STOM: variants seen among roughly 807,000 people sequenced by gnomAD.
STOM encodes erythrocyte band 7 integral membrane protein.
STOM carries 25 observed loss-of-function variants against 30.6 expected under a neutral mutation model. The ratio of observed to expected loss-of-function variants is 0.82; its 90% CI spans 0.60 to 1.14. The LOEUF (loss-of-function observed/expected upper bound fraction) is 1.14. Ranked by LOEUF, STOM falls within the 50% of genes most tolerant of loss-of-function variation. The probability of loss-of-function intolerance (pLI) is 0.00; values close to 1 mark genes in which losing one functional copy is unlikely to be tolerated. For missense variants in STOM, 292 were observed against 365.2 expected (o/e 0.80, Z 1.63); for synonymous variants, 118 against 130.8 (o/e 0.90, Z 0.67).
intron 6 of STOM, 107 bp from the exon 7 acceptor site, chr9:121,341,515 A>G: frequency 1.1e-5 from 16 of 1,419,456 alleles, no homozygotes; most frequent in Non-Finnish European, 1.5e-5. Flanking sequence ...AAAACTTTCT[A>G]GGGCGTATGC....
intron 1 of STOM, among the ~76,000 whole-genome samples, chr9:121,362,413 C>T (rs1374661631): frequency 6.6e-6 from 1 of 152,108 alleles, no homozygotes; most frequent in Non-Finnish European, 1.5e-5. Flanking sequence ...CATATCAGCA[C>T]ATATTCTTTA....
Position 121,370,118 on chromosome 9 carries a change from G to C in STOM, c.61+9C>G, listed in dbSNP as rs2064550694. 1.9e-6 allele frequency: 3 copies of C among 1,539,282 alleles called. No individual in the cohort carries two copies. Among genetic ancestry groups the C allele is most frequent in the Non-Finnish European group, 2.6e-6 (3 of 1,143,496 alleles). On this transcript the variant is annotated intron_variant, in intron 1 of 6. Coordinates refer to ENST00000286713, the MANE Select transcript of STOM (RefSeq NM_004099.6). ...TCCACGGGGGAGGGTCAGGGGACGC[G>C]GGACTCACCCTTGAAGGAGTCGGGG... is the stretch of plus-strand genomic sequence containing the variant.
rs1179372348 is a variant in STOM at position 121,344,303 on chromosome 9, A to G, written c.661-2895T>C. Reference sequence around the variant, plus strand: ...ATCAGAAATCCCCTGCTATGAGAGCAGCAGGCTCTCATTTTTTCCATATCA... The same window carrying G: ...ATCAGAAATCCCCTGCTATGAGAGCGGCAGGCTCTCATTTTTTCCATATCA... On this transcript the variant is annotated intron_variant, in intron 6 of 6. Transcript: ENST00000286713. Among the ~76,000 whole-genome samples the G allele has an allele frequency of 2.6e-5, 4 of 152,342 alleles. No homozygotes were observed. The East Asian group carries it at 5.8e-4, about 22-fold the overall frequency.
chr9:121,349,380 G>A (rs970261713), intron 4 of STOM, 57 bp from the exon 5 acceptor site: 55 of 1,441,006 alleles, frequency 3.8e-5, no homozygotes, highest in Middle Eastern at 1.7e-4. Flanking sequence ...TAACATAACT[G>A]TAAGGAATGT....
Position 121,357,424 on chromosome 9 carries a change from G to GATATATAT in STOM, c.62-1276_62-1269dup, listed in dbSNP as rs1156937416. On this transcript the variant is annotated intron_variant, in intron 1 of 6. Coordinates refer to ENST00000286713, the MANE Select transcript of STOM (RefSeq NM_004099.6). ...TAGTGTACACACCATATTTTTAAATGATATATATATATATATTTATTTATT... is the reference window on the plus strand; with the variant it reads ...TAGTGTACACACCATATTTTTAAATGATATATATATATATATATATATATTTATTTATT... Among the ~76,000 whole-genome samples, 84 of 95,424 alleles carry GATATATAT rather than the reference G, an allele frequency of 8.8e-4. 10 individuals carry two copies. The East Asian group carries it at 0.028, about 32-fold the overall frequency. The allele number at this position is 95,424 out of a possible 152,430, so 62.6% of individuals were successfully genotyped here.
rs2064317508 is a variant in STOM, at chr9:121,349,265, T to C, written c.380A>G (p.Gln127Arg). 6.2e-7 allele frequency: 1 copy of C among 1,614,202 alleles called. No homozygotes were observed. The highest frequency in any genetic ancestry group is 2.2e-5 in the East Asian group (1 of 44,884). Residue 127 changes from glutamine (Q) to arginine (R), a missense_variant, in exon 5 of 7, where the codon CAG (glutamine) becomes CGG (arginine). Transcript: ENST00000286713. ...SVDGVVYYRVQNATLAVANIT... is the reference protein window; with the variant it reads ...SVDGVVYYRVRNATLAVANIT... ...ATTTGCCACAGCCAGGGTTGCATTC[T>C]GAACGCGGTAATAGACCACACCATC...
intron 1 of STOM, among the ~76,000 whole-genome samples, chr9:121,358,421 C>T (rs1325224655): frequency 6.6e-6 from 1 of 151,432 alleles, no homozygotes; most frequent in Non-Finnish European, 1.5e-5. Flanking sequence ...CTGTGATGTA[C>T]CCCAGCCTGG....
In STOM at chr9:121,370,148, G is replaced by A; in HGVS notation, c.40C>T (p.Arg14Trp). Residue 14 changes from arginine to tryptophan, a missense_variant, in exon 1 of 7, where the codon CGG (arginine) becomes TGG (tryptophan). Physicochemically the swap from Arg to Trp is moderately radical, Grantham distance 101 (BLOSUM62 -3). Transcript: ENST00000286713. The stretch of plus-strand genomic sequence containing the variant: ...TCACCCTTGAAGGAGTCGGGGAGCC[G>A]CTGGGCTTCGGAGTCCCGTGTGTGC... ...KRHTRDSEAQ[R>W]LPDSFKDSPS... 6.5e-7 allele frequency: 1 copy of A among 1,546,732 alleles called. No homozygotes were observed.
At chr9:121,347,138 G>A (rs1203974813) in intron 6 of STOM, among the ~76,000 whole-genome samples, 1 of 152,154 alleles carries the variant, frequency 6.6e-6, no homozygotes, top group Non-Finnish European at 1.5e-5. Context: ...GTGTTCACCT[G>A]GCAGACATCT....
Position 121,354,676 on chromosome 9 carries a change from A to G in STOM, c.166-3T>C. The G allele has an allele frequency of 1.9e-6, 3 of 1,595,108 alleles. No individual in the cohort carries two copies. The highest frequency in any genetic ancestry group is 1.1e-5 in the South Asian group (1 of 88,216). On this transcript the variant is annotated splice_region_variant and splice_polypyrimidine_tract_variant and intron_variant, in intron 2 of 6. Coordinates refer to ENST00000286713, the MANE Select transcript of STOM (RefSeq NM_004099.6). The stretch of plus-strand genomic sequence containing the variant: ...GCTCTTTCATACTCTTTTATAATCT[A>G]GAATAAAAACATGAATAATAATTTA...
chr9:121,367,238 T>G (rs2064513808), intron 1 of STOM, among the ~76,000 whole-genome samples: 1 of 152,218 alleles, frequency 6.6e-6, no homozygotes, highest in Non-Finnish European at 1.5e-5. Flanking sequence ...TTCAGGAAAT[T>G]GCTTTTCCAT....
intron 1 of STOM, 193 bp downstream of exon 1, chr9:121,369,934 C>T (rs979820844): frequency 1.9e-6 from 1 of 525,786 alleles, no homozygotes. Context: ...CAGCCCGCCA[C>T]CCCTCCATCG....
chr9:121,363,495 C>A, intron 1 of STOM, among the ~76,000 whole-genome samples: 1 of 152,168 alleles, frequency 6.6e-6, no homozygotes, highest in Admixed American at 6.5e-5. Context: ...GCTTTGCAGT[C>A]TGTTGCAACT....
rs768070247 is a variant in STOM, at chr9:121,341,201, A to T, written c.*1T>A. Reference sequence around the variant, plus strand: ...TTGGAAGGCTAGCGCTCATCTCTACACTAGCCTAGATGGCTGTGTTTTGCC... The same window carrying T: ...TTGGAAGGCTAGCGCTCATCTCTACTCTAGCCTAGATGGCTGTGTTTTGCC... On this transcript the variant is annotated 3_prime_UTR_variant, in exon 7 of 7. Coordinates refer to ENST00000286713, the MANE Select transcript of STOM (RefSeq NM_004099.6). The T allele has an allele frequency of 6.2e-7, 1 of 1,614,124 alleles. No homozygotes were observed. The highest frequency in any genetic ancestry group is 8.5e-7 in the Non-Finnish European group (1 of 1,180,028).
intron 4 of STOM, among the ~76,000 whole-genome samples, chr9:121,351,416 C>T (rs1236971456): frequency 2.0e-5 from 3 of 152,246 alleles, no homozygotes; most frequent in African/African-American, 7.2e-5. Flanking sequence ...TCAGTACCAA[C>T]AAGGAAGTTC....
chr9:121,363,834 A>G (rs2064477984), intron 1 of STOM, among the ~76,000 whole-genome samples: 2 of 152,224 alleles, frequency 1.3e-5, no homozygotes, highest in East Asian at 3.8e-4. Flanking sequence ...TATTCAAATA[A>G]GGGTACATTT....
At chr9:121,361,884 C>A (rs2064456661) in intron 1 of STOM, among the ~76,000 whole-genome samples, 1 of 152,170 alleles carries the variant, frequency 6.6e-6, no homozygotes. Flanking sequence ...TGTTCCACCA[C>A]AGATCATCAG....
chr9:121,339,588 A>G lies in STOM; in HGVS notation c.*1614T>C, dbSNP rs1265288521. ...GCTATAAAGGCTCGTGCTGGGAAAG[A>G]AAGCTGTTATGCTTAGACTTCTCTA... On this transcript the variant is annotated 3_prime_UTR_variant, in exon 7 of 7. Transcript: ENST00000286713. 8.1e-7 allele frequency: 1 copy of G among 1,231,462 alleles called. No individual in the cohort carries two copies. The highest frequency in any genetic ancestry group is 1.6e-5 in the African/African-American group (1 of 64,412). 76.3% of individuals were successfully genotyped at this position (1,231,462 alleles called of 1,614,324 possible).
chr9:121,339,842 T>C lies in STOM; in HGVS notation c.*1360A>G. ...AGGTAAATTTAAAAAGACCTACATC[T>C]ATATAGATATTGTAAGTTTGACAGT... On this transcript the variant is annotated 3_prime_UTR_variant, in exon 7 of 7. Transcript: ENST00000286713. 8.4e-7 allele frequency: 1 copy of C among 1,184,242 alleles called. No individual in the cohort carries two copies. The highest frequency in any genetic ancestry group is 1.0e-6 in the Non-Finnish European group (1 of 958,600). 73.4% of individuals were successfully genotyped at this position (1,184,242 alleles called of 1,614,324 possible).
Sources: allele counts gnomAD v4.1 joint callset (sites outside exome capture counted in the v4.1 genomes callset), GRCh38; gene constraint gnomAD v4.1.1; transcripts MANE v1.5; gene names NCBI Gene and HGNC (gene_info 2026-07-23, HGNC 2026-07-21).